Variants in RSBN1 observed in about 807,000 individuals in gnomAD.
The protein encoded by RSBN1 is lysine-specific demethylase 9.
In RSBN1, 23 loss-of-function variants were observed where a neutral mutation model predicts 74.8. The ratio of observed to expected loss-of-function variants is 0.31; its 90% CI spans 0.22 to 0.44. The LOEUF is 0.44. Ranked by LOEUF, RSBN1 falls within the 20% of genes least tolerant of loss-of-function variation. The probability of loss-of-function intolerance (pLI) is 1.00; values close to 1 mark genes in which losing one functional copy is unlikely to be tolerated. For missense variants in RSBN1, 808 were observed against 1,020.9 expected (o/e 0.79, Z 2.84); for synonymous variants, 407 against 379.6 (o/e 1.07, Z -0.84).
At chr1:113,795,084 ATTTGT>A (rs1660444539) in intron 2 of RSBN1, among the ~76,000 whole-genome samples, 1 of 152,202 alleles carries the variant, frequency 6.6e-6, no homozygotes, top group Non-Finnish European at 1.5e-5. Flanking sequence ...ATCTAAAGGG[ATTTGT>A]TAAAAATATT....
At chr1:113,791,090 T>C (rs1437613900) in intron 2 of RSBN1, among the ~76,000 whole-genome samples, 1 of 151,974 alleles carries the variant, frequency 6.6e-6, no homozygotes, top group African/African-American at 2.4e-5. Context: ...GGGAGGTAAG[T>C]ACGAGACCAA....
chr1:113,769,016 T>C (rs1271688409), intron 4 of RSBN1, among the ~76,000 whole-genome samples: 2 of 152,122 alleles, frequency 1.3e-5, no homozygotes, highest in Non-Finnish European at 2.9e-5. Flanking sequence ...ATGTTAAGAA[T>C]GGCTTAAGCA....
At position 113,761,888 on chromosome 1, in the gene RSBN1, C is replaced by T. The variant is rs78487426; in HGVS notation, c.*4092G>A. 1 of 151,526 alleles carries T rather than the reference C, an allele frequency of 6.6e-6. No individual in the cohort carries two copies. Among genetic ancestry groups the T allele is most frequent in the African/African-American group, 2.4e-5 (1 of 41,066 alleles). The allele number at this position is 151,526 out of a possible 1,614,324, so 9.4% of individuals were successfully genotyped here. On this transcript the variant is annotated 3_prime_UTR_variant, in exon 7 of 7. Coordinates refer to ENST00000261441, the MANE Select transcript of RSBN1 (RefSeq NM_018364.5). ...AAATACTTTACAGGAAAAAAAAAAA[C>T]TATGCATTCCATTGTCCTATTTTAC...
chr1:113,799,258 T>C (rs1321042291), intron 1 of RSBN1, among the ~76,000 whole-genome samples: 1 of 152,154 alleles, frequency 6.6e-6, no homozygotes, highest in Non-Finnish European at 1.5e-5. Context: ...AGTCTCCATA[T>C]GTTGCCCAGG....
intron 2 of RSBN1, among the ~76,000 whole-genome samples, chr1:113,781,755 C>T (rs1014666761): frequency 6.6e-6 from 1 of 152,100 alleles, no homozygotes; most frequent in African/African-American, 2.4e-5. Flanking sequence ...TTTCTCAGGT[C>T]CTAAATCAGG....
At chr1:113,787,954 G>A (rs1660281928) in intron 2 of RSBN1, among the ~76,000 whole-genome samples, 1 of 151,778 alleles carries the variant, frequency 6.6e-6, no homozygotes, top group South Asian at 2.1e-4. Context: ...ATAACCAGAA[G>A]ACTAAAATAA....
chr1:113,808,376 C>T (rs1464676453), intron 1 of RSBN1, among the ~76,000 whole-genome samples: 1 of 152,036 alleles, frequency 6.6e-6, no homozygotes, highest in Non-Finnish European at 1.5e-5. Context: ...AAAAAGTCTG[C>T]ACAAGTCCAG....
rs1659707070 is a variant in RSBN1, at chr1:113,762,877, A to T, written c.*3103T>A. 2 of 152,898 alleles carry T rather than the reference A, an allele frequency of 1.3e-5. No homozygotes were observed. The highest frequency in any genetic ancestry group is 4.8e-5 in the African/African-American group (2 of 41,576). The allele number at this position is 152,898 out of a possible 1,614,324, so 9.5% of individuals were successfully genotyped here. On this transcript the variant is annotated 3_prime_UTR_variant, in exon 7 of 7. Coordinates refer to ENST00000261441, the MANE Select transcript of RSBN1 (RefSeq NM_018364.5). ...TTTTCCCCCTACAAGAGCTTGTAAT[A>T]TTAGTCAACTGGTATTCCAACTGTC...
intron 2 of RSBN1, among the ~76,000 whole-genome samples, chr1:113,790,713 A>G (rs547526472): frequency 2.1e-4 from 32 of 152,332 alleles, no homozygotes; most frequent in African/African-American, 6.7e-4. Context: ...CTCTTAGTTT[A>G]TGATGCTCTG....
At position 113,799,044 on chromosome 1, in the gene RSBN1, T is replaced by C. The variant is rs1660527953; in HGVS notation, c.704-1008A>G. ...TCATTTTACACCCTCCCCTAGACTG[T>C]CAGCAATCTAAGTTCAGTGATGTAT... is the stretch of plus-strand genomic sequence containing the variant. On this transcript the variant is annotated intron_variant, in intron 1 of 6. Transcript: ENST00000261441. 2.6e-5 allele frequency among the ~76,000 whole-genome samples: 4 copies of C among 152,326 alleles called. No homozygotes were observed. The South Asian group carries it at 6.2e-4, about 24-fold the overall frequency.
At chr1:113,774,026 C>T (rs1226796582) in intron 4 of RSBN1, among the ~76,000 whole-genome samples, 2 of 151,880 alleles carry the variant, frequency 1.3e-5, no homozygotes, top group Non-Finnish European at 2.9e-5. Context: ...AAAAAGAAAA[C>T]AAACACGCAT....
rs556267220 is a variant in RSBN1, at chr1:113,800,779, G to A, written c.704-2743C>T. ...AAGTCTCTGTGGGTTTCACTTATACGAGTTTCACAAAATTCACTTATATGA... is the reference window on the plus strand; with the variant it reads ...AAGTCTCTGTGGGTTTCACTTATACAAGTTTCACAAAATTCACTTATATGA... On this transcript the variant is annotated intron_variant, in intron 1 of 6. Coordinates refer to ENST00000261441, the MANE Select transcript of RSBN1 (RefSeq NM_018364.5). Among the ~76,000 whole-genome samples, 54 of 151,018 alleles carry A rather than the reference G, an allele frequency of 3.6e-4. 1 individual carries two copies. In the South Asian group the frequency reaches 0.011, roughly 31 times the overall value.
intron 2 of RSBN1, among the ~76,000 whole-genome samples, chr1:113,785,902 T>C (rs1660233809): frequency 6.6e-6 from 1 of 152,288 alleles, no homozygotes; most frequent in Admixed American, 6.5e-5. Context: ...GCCTAGAAGA[T>C]CACATCAAGG....
intron 1 of RSBN1, among the ~76,000 whole-genome samples, chr1:113,808,304 C>T (rs1660754471): frequency 6.6e-6 from 1 of 152,014 alleles, no homozygotes; most frequent in Admixed American, 6.6e-5. Context: ...ATACCTAATA[C>T]AATGTACATG....
At chr1:113,781,564 C>A (rs1233348050) in intron 2 of RSBN1, among the ~76,000 whole-genome samples, 1 of 152,194 alleles carries the variant, frequency 6.6e-6, no homozygotes, top group Non-Finnish European at 1.5e-5. Flanking sequence ...ATATCTACAT[C>A]TCTAACTTAA....
rs1396009944 is a variant in RSBN1 at position 113,801,535 on chromosome 1, C to T, written c.704-3499G>A. Among the ~76,000 whole-genome samples the T allele has an allele frequency of 2.6e-5, 4 of 152,178 alleles. No homozygotes were observed. In the East Asian group the frequency reaches 7.7e-4, roughly 29 times the overall value. ...CAATTGCCCTGCCTTGAATTTAAAA[C>T]GTTATTTGAAAGTCAGTGTCCAAAG... On this transcript the variant is annotated intron_variant, in intron 1 of 6. Transcript: ENST00000261441.
intron 2 of RSBN1, among the ~76,000 whole-genome samples, chr1:113,787,606 A>G (rs188833186): frequency 2.0e-5 from 3 of 152,256 alleles, no homozygotes; most frequent in Admixed American, 6.5e-5. Context: ...GATACAAGGC[A>G]CAAGCAAGGG....
intron 5 of RSBN1, 137 bp from the exon 6 acceptor site, chr1:113,767,344 A>AT (rs1013229483): frequency 1.8e-4 from 79 of 429,306 alleles, no homozygotes; most frequent in Middle Eastern, 4.6e-4. Context: ...TAGGTATACA[A>AT]TTTTTTTTTA....
chr1:113,783,774 C>A (rs765188719), intron 2 of RSBN1, among the ~76,000 whole-genome samples: 6 of 152,170 alleles, frequency 3.9e-5, no homozygotes, highest in Non-Finnish European at 7.3e-5. Flanking sequence ...CACATGACAA[C>A]ACCAGTAGGA....
Sources: gnomAD v4.1 joint callset for allele counts (sites outside exome capture counted in the v4.1 genomes callset) on GRCh38, gnomAD v4.1.1 for gene constraint, MANE v1.5 for transcripts, NCBI Gene and HGNC (gene_info 2026-07-23, HGNC 2026-07-21) for gene names.